Variants in SLC8A1 observed in about 807,000 individuals in gnomAD.
SLC8A1 encodes the protein sodium/calcium exchanger 1.
A neutral mutation model predicts 68.3 loss-of-function variants in SLC8A1; 18 were observed. The ratio of observed to expected loss-of-function variants is 0.26; its 90% confidence interval spans 0.18 to 0.39. The LOEUF (loss-of-function observed/expected upper bound fraction) is 0.39, where lower values mean the gene tolerates loss of function less well. SLC8A1 is among the 10% of genes least tolerant of loss of function. The probability of loss-of-function intolerance (pLI) is 1.00; values close to 1 mark genes in which losing one functional copy is unlikely to be tolerated. For missense variants in SLC8A1, 985 were observed against 1,156.7 expected (o/e 0.85, Z 2.15); for synonymous variants, 475 against 415.5 (o/e 1.14, Z -1.74).
At chr2:40,410,184 T>G (rs1327202341) in intron 2 of SLC8A1, among the ~76,000 whole-genome samples, 2 of 152,086 alleles carry the variant, frequency 1.3e-5, no homozygotes, top group African/African-American at 4.8e-5. Flanking sequence ...AATGGGTTGT[T>G]CGATTATTAT....
intron 2 of SLC8A1, among the ~76,000 whole-genome samples, chr2:40,349,780 C>A (rs1185666214): frequency 1.3e-5 from 2 of 152,154 alleles, no homozygotes; most frequent in East Asian, 3.9e-4. Context: ...AAATATCATC[C>A]TTTTAATATT....
At chr2:40,391,710 A>G (rs944349770) in intron 2 of SLC8A1, among the ~76,000 whole-genome samples, 1 of 152,050 alleles carries the variant, frequency 6.6e-6, no homozygotes, top group Non-Finnish European at 1.5e-5. Context: ...AGACCCTCAA[A>G]TTATAGAACC....
At chr2:40,187,556 T>C (rs758939485) in intron 2 of SLC8A1, among the ~76,000 whole-genome samples, 9 of 152,204 alleles carry the variant, frequency 5.9e-5, no homozygotes, top group Non-Finnish European at 1.3e-4. Flanking sequence ...CCTATTTTAC[T>C]TTCCTCTGCC....
chr2:40,175,128 G>T, intron 3 of SLC8A1, 133 bp downstream of exon 4: 1 of 891,690 alleles, frequency 1.1e-6, no homozygotes, highest in East Asian at 2.6e-5. Context: ...GACAAAATGA[G>T]GTCAATGGCC....
chr2:40,223,324 C>T (rs1308477415), intron 2 of SLC8A1, among the ~76,000 whole-genome samples: 1 of 152,080 alleles, frequency 6.6e-6, no homozygotes, highest in African/African-American at 2.4e-5. Context: ...AATGAGAACA[C>T]ATGGACACAG....
intron 2 of SLC8A1, among the ~76,000 whole-genome samples, chr2:40,332,447 G>T (rs1301850547): frequency 6.6e-6 from 1 of 150,946 alleles, no homozygotes; most frequent in Non-Finnish European, 1.5e-5. Flanking sequence ...GCGGGGGGCG[G>T]TGTTTCCCCT....
At chr2:40,151,845 G>C (rs2043499209) in intron 6 of SLC8A1, among the ~76,000 whole-genome samples, 1 of 152,126 alleles carries the variant, frequency 6.6e-6, no homozygotes, top group South Asian at 2.1e-4. Flanking sequence ...TTTTATAAAA[G>C]ATAAAGTACT....
chr2:40,248,683 C>G (rs2062249456), intron 2 of SLC8A1, among the ~76,000 whole-genome samples: 1 of 151,984 alleles, frequency 6.6e-6, no homozygotes, highest in Admixed American at 6.6e-5. Flanking sequence ...GTTTAACAAC[C>G]TATATTCAAT....
At chr2:40,188,646 C>T in intron 2 of SLC8A1, among the ~76,000 whole-genome samples, 2 of 152,216 alleles carry the variant, frequency 1.3e-5, no homozygotes, top group Admixed American at 1.3e-4. Context: ...GGACTTCACT[C>T]CTGGCATGTT....
At chr2:40,179,895 T>C (rs989375426) in intron 2 of SLC8A1, among the ~76,000 whole-genome samples, 3 of 152,220 alleles carry the variant, frequency 2.0e-5, no homozygotes, top group Non-Finnish European at 4.4e-5. Context: ...GGCTTAGCAT[T>C]GTAGACCTGA....
chr2:40,488,452 T>TTG (rs58801295), intron 1 of SLC8A1, among the ~76,000 whole-genome samples: 6,351 of 149,306 alleles, frequency 0.043, 358 homozygotes, highest in East Asian at 0.31. Context: ...ACTTTCTAGT[T>TTG]TGTGTGTGTG....
chr2:40,148,249 T>C (rs931928919), intron 6 of SLC8A1, among the ~76,000 whole-genome samples: 1 of 152,240 alleles, frequency 6.6e-6, no homozygotes, highest in African/African-American at 2.4e-5. Context: ...TTTAAAAAAA[T>C]GCATCTTTAT....
intron 2 of SLC8A1, among the ~76,000 whole-genome samples, chr2:40,347,756 A>G (rs1218473450): frequency 2.0e-5 from 3 of 152,232 alleles, no homozygotes; most frequent in Non-Finnish European, 2.9e-5. Flanking sequence ...AACAAACTCC[A>G]AGTTTTAATG....
At chr2:40,234,872 C>G (rs1252799303) in intron 2 of SLC8A1, among the ~76,000 whole-genome samples, 1 of 152,068 alleles carries the variant, frequency 6.6e-6, no homozygotes, top group Non-Finnish European at 1.5e-5. Context: ...TGGTTTTTGT[C>G]TTTGGCTCTG....
At chr2:40,459,357 T>C (rs1177646486) in intron 1 of SLC8A1, among the ~76,000 whole-genome samples, 2 of 138,834 alleles carry the variant, frequency 1.4e-5, no homozygotes, top group African/African-American at 2.7e-5. Context: ...TAAAATGATA[T>C]AGGACAGTAT....
At chr2:40,440,372 C>T (rs1199062987) in intron 1 of SLC8A1, among the ~76,000 whole-genome samples, 1 of 152,046 alleles carries the variant, frequency 6.6e-6, no homozygotes, top group African/African-American at 2.4e-5. Flanking sequence ...GGAAGAAATT[C>T]TATTTAATAA....
chr2:40,251,325 A>G (rs192862443), intron 2 of SLC8A1: 100 of 152,364 alleles, frequency 6.6e-4, no homozygotes, highest in African/African-American at 2.2e-3. Flanking sequence ...AAACAGACTT[A>G]CACAAAGAGA....
chr2:40,482,694 T>C (rs897786123), intron 1 of SLC8A1, among the ~76,000 whole-genome samples: 1 of 152,086 alleles, frequency 6.6e-6, no homozygotes, highest in African/African-American at 2.4e-5. Flanking sequence ...CTTTGTGCCA[T>C]GACAACGTAA....
At chr2:40,116,404 C>G (rs1356395227) in intron 7 of SLC8A1, among the ~76,000 whole-genome samples, 2 of 152,120 alleles carry the variant, frequency 1.3e-5, no homozygotes. Flanking sequence ...TGCTGGTGTG[C>G]TGCACCCACT....
Sources: gnomAD v4.1 joint callset for allele counts (sites outside exome capture counted in the v4.1 genomes callset) on GRCh38, gnomAD v4.1.1 for gene constraint, MANE v1.5 for transcripts, NCBI Gene and HGNC (gene_info 2026-07-23, HGNC 2026-07-21) for gene names.